CADPS: variants seen among roughly 807,000 people sequenced by gnomAD.
The protein encoded by CADPS is calcium-dependent secretion activator 1.
In CADPS, 57 loss-of-function variants were observed where a neutral mutation model predicts 167.3. That is an observed-to-expected ratio of 0.34 (90% CI 0.28 to 0.42). CADPS has a LOEUF of 0.42. Ranked by LOEUF, CADPS falls within the 20% of genes least tolerant of loss-of-function variation. CADPS has a pLI of 1.00. For missense variants in CADPS, 1,414 were observed against 1,738.1 expected (o/e 0.81, Z 3.32); for synonymous variants, 676 against 635.3 (o/e 1.06, Z -0.96).
chr3:62,431,045 A>T (rs1191839025), intron 28 of CADPS, among the ~76,000 whole-genome samples: 1 of 150,332 alleles, frequency 6.7e-6, no homozygotes, highest in Non-Finnish European at 1.5e-5. Flanking sequence ...TTAGCTTCAT[A>T]ATTGAGGATA....
chr3:62,817,451 AG>A (rs1450879333), intron 1 of CADPS, among the ~76,000 whole-genome samples: 2 of 152,162 alleles, frequency 1.3e-5, no homozygotes, highest in African/African-American at 4.8e-5. Flanking sequence ...TTAAGGCAGC[AG>A]GGCTCCCTGG....
intron 9 of CADPS, among the ~76,000 whole-genome samples, chr3:62,557,876 T>C (rs1376210171): frequency 6.6e-6 from 1 of 152,198 alleles, no homozygotes; most frequent in Non-Finnish European, 1.5e-5. Flanking sequence ...ACTGCCATTT[T>C]TGTAGGTCAA....
rs547472135 is a variant in CADPS at position 62,448,905 on chromosome 3, T to A, written c.3637-3108A>T. On this transcript the variant is annotated intron_variant, in intron 26 of 29. Transcript: ENST00000383710. ...CTGGGATTACAGGCGTGAGCCACCA[T>A]GCCCGGCCGCTGGATATTGAACTTT... is the stretch of plus-strand genomic sequence containing the variant. Among the ~76,000 whole-genome samples, 299 of 152,238 alleles carry A rather than the reference T, an allele frequency of 2.0e-3. 2 individuals are homozygous for A. Among genetic ancestry groups the A allele is most frequent in the African/African-American group, 6.9e-3 (285 of 41,570 alleles).
intron 10 of CADPS, among the ~76,000 whole-genome samples, chr3:62,551,061 G>C (rs1004812498): frequency 1.3e-5 from 2 of 152,020 alleles, no homozygotes; most frequent in African/African-American, 4.8e-5. Flanking sequence ...ATGCCAACCA[G>C]CCTTTAAGTA....
intron 3 of CADPS, among the ~76,000 whole-genome samples, chr3:62,682,018 CG>C (rs1554071817): frequency 6.6e-6 from 1 of 151,962 alleles, no homozygotes; most frequent in Non-Finnish European, 1.5e-5. Flanking sequence ...TATTTATTGT[CG>C]GGCTGTCTTA....
chr3:62,448,141 A>T (rs1560509448), intron 26 of CADPS, among the ~76,000 whole-genome samples: 1 of 152,160 alleles, frequency 6.6e-6, no homozygotes, highest in Non-Finnish European at 1.5e-5. Flanking sequence ...GGAACTCTTG[A>T]TCTCCTCAAT....
At chr3:62,798,111 G>A (rs905440611) in intron 1 of CADPS, among the ~76,000 whole-genome samples, 3 of 152,044 alleles carry the variant, frequency 2.0e-5, no homozygotes, top group South Asian at 2.1e-4. Context: ...TGAGATAAAC[G>A]CAATGAAGCA....
intron 1 of CADPS, among the ~76,000 whole-genome samples, chr3:62,871,645 G>A (rs144775874): frequency 1.0e-3 from 158 of 152,212 alleles, no homozygotes; most frequent in African/African-American, 3.6e-3. Context: ...TTTTAAAAAC[G>A]AGGATGGCAA....
chr3:62,802,965 G>A (rs2093862163), intron 1 of CADPS, among the ~76,000 whole-genome samples: 1 of 152,144 alleles, frequency 6.6e-6, no homozygotes, highest in Non-Finnish European at 1.5e-5. Context: ...AGACTTAGAA[G>A]GCAGTCACCT....
chr3:62,653,490 C>A (rs1476113037), intron 4 of CADPS, among the ~76,000 whole-genome samples: 1 of 152,114 alleles, frequency 6.6e-6, no homozygotes, highest in Non-Finnish European at 1.5e-5. Context: ...GTTATAGCAG[C>A]CTGAATAGAC....
chr3:62,696,707 C>T (rs940140381), intron 3 of CADPS, among the ~76,000 whole-genome samples: 3 of 152,008 alleles, frequency 2.0e-5, no homozygotes, highest in Non-Finnish European at 2.9e-5. Context: ...GCTAACAATT[C>T]TTGATGTTCG....
At chr3:62,401,499 A>G (rs1706116273) in intron 29 of CADPS, among the ~76,000 whole-genome samples, 1 of 152,252 alleles carries the variant, frequency 6.6e-6, no homozygotes, top group African/African-American at 2.4e-5. Context: ...TGAATAATAA[A>G]TGAATGGGTG....
rs528781189 is a variant in CADPS at position 62,532,105 on chromosome 3, T to G, written c.2291+766A>C. ...ACCTAGCTTGCTTCAGCTCTGGAAA[T>G]GTACTTGGCTTCCTCCTTCTGCAGG... On this transcript the variant is annotated intron_variant, in intron 13 of 29. Coordinates refer to ENST00000383710, the MANE Select transcript of CADPS (RefSeq NM_003716.4). 2.0e-5 allele frequency among the ~76,000 whole-genome samples: 3 copies of G among 152,348 alleles called. No homozygotes were observed. The South Asian group carries it at 6.2e-4, about 32-fold the overall frequency.
At chr3:62,667,340 C>T (rs1195854502) in intron 3 of CADPS, among the ~76,000 whole-genome samples, 1 of 151,836 alleles carries the variant, frequency 6.6e-6, no homozygotes, top group African/African-American at 2.4e-5. Flanking sequence ...GGTGGGGAAC[C>T]CTGGGACCCT....
chr3:62,753,829 G>T lies in CADPS; in HGVS notation c.556-56C>A. 2 of 1,508,588 alleles carry T rather than the reference G, an allele frequency of 1.3e-6. No individual in the cohort carries two copies. Among genetic ancestry groups the T allele is most frequent in the Non-Finnish European group, 1.8e-6 (2 of 1,113,032 alleles). 93.5% of individuals were successfully genotyped at this position (1,508,588 alleles called of 1,614,324 possible). On this transcript the variant is annotated intron_variant, in intron 2 of 29. Transcript: ENST00000383710. This position sits in a 1 kb window ranked among gnomAD's most constrained non-coding sequence, Gnocchi z 4.6. Reference sequence around the variant, plus strand: ...AGGAGAGTTTACCACAGAGGTACCAGTTCCCTGGGGCTGGACACTGGGCCA... The same window carrying T: ...AGGAGAGTTTACCACAGAGGTACCATTTCCCTGGGGCTGGACACTGGGCCA...
At chr3:62,579,170 C>A (rs2082897246) in intron 8 of CADPS, among the ~76,000 whole-genome samples, 1 of 152,160 alleles carries the variant, frequency 6.6e-6, no homozygotes, top group African/African-American at 2.4e-5. Context: ...TCATGAGGAG[C>A]TCTCTATTTT....
chr3:62,779,276 T>A, intron 1 of CADPS: 1 of 352,314 alleles, frequency 2.8e-6, no homozygotes, highest in Non-Finnish European at 5.8e-6. Context: ...CCTTTTGCTT[T>A]CTGGGCAGGA....
chr3:62,768,484 C>T (rs1310452267), intron 1 of CADPS, among the ~76,000 whole-genome samples: 1 of 152,082 alleles, frequency 6.6e-6, no homozygotes, highest in African/African-American at 2.4e-5. Context: ...TGATTGTTGA[C>T]CCAGGCCAAA....
chr3:62,642,014 G>A (rs867548123), intron 6 of CADPS, among the ~76,000 whole-genome samples: 1 of 151,858 alleles, frequency 6.6e-6, no homozygotes, highest in Admixed American at 6.6e-5. Context: ...GGAGGTGAAG[G>A]ATGTGTAATG....
Sources: allele counts gnomAD v4.1 joint callset (sites outside exome capture counted in the v4.1 genomes callset), GRCh38; gene constraint gnomAD v4.1.1; non-coding constraint Gnocchi (gnomAD v3.1); transcripts MANE v1.5; gene names NCBI Gene and HGNC (gene_info 2026-07-23, HGNC 2026-07-21).